RNF144A: variants seen among roughly 807,000 people sequenced by gnomAD.
RNF144A encodes the protein ring finger protein 144A.
A neutral mutation model predicts 38.7 loss-of-function variants in RNF144A; 11 were observed. The observed-to-expected ratio is 0.28, with a 90% CI of 0.18 to 0.47. The LOEUF (loss-of-function observed/expected upper bound fraction) is 0.47, where lower values mean the gene tolerates loss of function less well. Among genes scored for constraint, RNF144A ranks in the 20% least tolerant of loss-of-function variants. The pLI, the probability that RNF144A is intolerant of heterozygous loss-of-function variation, is 0.99. For synonymous variants in RNF144A, 149 were observed against 143.9 expected, an observed-to-expected ratio of 1.04 and a Z score of -0.25; for missense variants, 316 against 377.2, an observed-to-expected ratio of 0.84 and a Z score of 1.34.
chr2:6,918,145 G>A (rs1021838706), intron 1 of RNF144A: 5 of 152,268 alleles, frequency 3.3e-5, no homozygotes, highest in African/African-American at 1.2e-4. Flanking sequence ...GGGGAAGGTC[G>A]GAACTGGCCA....
At chr2:6,929,420 G>GTT (rs1430493920) in intron 1 of RNF144A, among the ~76,000 whole-genome samples, 1 of 152,186 alleles carries the variant, frequency 6.6e-6, no homozygotes, top group East Asian at 1.9e-4. Context: ...AGCCGTGGGT[G>GTT]TTACTCATTT....
chr2:7,052,041 A>G lies in RNF144A; in HGVS notation c.735-16175A>G, dbSNP rs561185189. 3.9e-5 allele frequency among the ~76,000 whole-genome samples: 6 copies of G among 152,308 alleles called. No individual in the cohort carries two copies. In the South Asian group the frequency reaches 1.0e-3, roughly 26 times the overall value. The stretch of plus-strand genomic sequence containing the variant: ...ATCTTAATTAGAATGCCTAATTGGA[A>G]GTAACATAAATACCTCCAAAATGCC... On this transcript the variant is annotated intron_variant, in intron 6 of 6. Transcript: ENST00000432850.
At chr2:6,979,759 T>G (rs1668520845) in intron 2 of RNF144A, among the ~76,000 whole-genome samples, 1 of 152,202 alleles carries the variant, frequency 6.6e-6, no homozygotes, top group African/African-American at 2.4e-5. Context: ...CCAGGGACTT[T>G]GGGCAAATTG....
intron 6 of RNF144A, among the ~76,000 whole-genome samples, chr2:7,059,827 C>T (rs1673883944): frequency 6.6e-6 from 1 of 152,210 alleles, no homozygotes; most frequent in South Asian, 2.1e-4. Flanking sequence ...AATCACTAAA[C>T]CAGCTGAAAA....
chr2:7,058,055 A>C (rs1324687697), intron 6 of RNF144A, among the ~76,000 whole-genome samples: 1 of 152,190 alleles, frequency 6.6e-6, no homozygotes, highest in African/African-American at 2.4e-5. Flanking sequence ...ACAACATGAA[A>C]GAGGCAAAGA....
chr2:6,937,962 A>G (rs1665699885), intron 1 of RNF144A, among the ~76,000 whole-genome samples: 1 of 152,262 alleles, frequency 6.6e-6, no homozygotes, highest in African/African-American at 2.4e-5. Flanking sequence ...CTGTCTGGTC[A>G]GATGGAAACA....
chr2:6,939,469 A>G (rs1665825618), intron 1 of RNF144A, among the ~76,000 whole-genome samples: 1 of 152,182 alleles, frequency 6.6e-6, no homozygotes, highest in Non-Finnish European at 1.5e-5. Context: ...TATATTCTGA[A>G]TCCGAGGCCT....
intron 6 of RNF144A, among the ~76,000 whole-genome samples, chr2:7,060,158 C>A (rs1249681196): frequency 6.6e-6 from 1 of 152,146 alleles, no homozygotes; most frequent in African/African-American, 2.4e-5. Flanking sequence ...CTTTCTTCTT[C>A]ATCTCCTCCT....
intron 2 of RNF144A, among the ~76,000 whole-genome samples, chr2:6,951,699 T>A (rs1354772817): frequency 2.0e-5 from 3 of 152,218 alleles, no homozygotes; most frequent in African/African-American, 7.2e-5. Flanking sequence ...CCTAGTACCT[T>A]AGTTTCTTTT....
intron 2 of RNF144A, among the ~76,000 whole-genome samples, chr2:6,979,252 G>A (rs1463127258): frequency 3.3e-5 from 5 of 152,212 alleles, no homozygotes; most frequent in African/African-American, 9.6e-5. Context: ...TAGGGATCAC[G>A]TGGACTTCCT....
chr2:7,006,577 G>T (rs924996768), intron 3 of RNF144A, among the ~76,000 whole-genome samples: 3 of 152,068 alleles, frequency 2.0e-5, no homozygotes, highest in Non-Finnish European at 1.5e-5. Context: ...ACCCTTGCTG[G>T]TCTTCACAGG....
In RNF144A at chr2:7,040,690, T is replaced by C; in HGVS notation, c.*930T>C. The C allele has an allele frequency of 4.1e-6, 4 of 985,486 alleles. No individual in the cohort carries two copies. The highest frequency in any genetic ancestry group is 4.8e-6 in the Non-Finnish European group (4 of 829,942). 61.0% of individuals were successfully genotyped at this position (985,486 alleles called of 1,614,324 possible). A position where few individuals can be genotyped will look rare whatever the true frequency, so the allele number is the denominator to read the frequency against. On this transcript the variant is annotated 3_prime_UTR_variant, in exon 9 of 9. Coordinates refer to ENST00000320892, the MANE Select transcript of RNF144A (RefSeq NM_014746.6). Reference sequence around the variant, plus strand: ...CTGGCCTCTGGCCTCAGTCTTCAGATAGACAGTAAGAAGAAAGCAGCCTCA... The same window carrying C: ...CTGGCCTCTGGCCTCAGTCTTCAGACAGACAGTAAGAAGAAAGCAGCCTCA...
intron 1 of RNF144A, among the ~76,000 whole-genome samples, chr2:6,931,743 A>G (rs748016900): frequency 6.6e-6 from 1 of 152,092 alleles, no homozygotes. Context: ...TTTTCCATCT[A>G]TCTTTCTCTT....
chr2:7,038,502 A>G (rs1041522218), intron 8 of RNF144A, among the ~76,000 whole-genome samples: 1 of 152,188 alleles, frequency 6.6e-6, no homozygotes, highest in Non-Finnish European at 1.5e-5. Flanking sequence ...TGTCAAGTGC[A>G]GTGTCTGGGT....
intron 3 of RNF144A, among the ~76,000 whole-genome samples, chr2:7,005,002 T>C (rs1040389614): frequency 2.6e-5 from 4 of 152,246 alleles, no homozygotes; most frequent in African/African-American, 9.6e-5. Flanking sequence ...TCTAGTCTTA[T>C]TTTTACAATT....
chr2:7,039,181 G>T (rs1212397821), intron 8 of RNF144A, among the ~76,000 whole-genome samples: 1 of 148,678 alleles, frequency 6.7e-6, no homozygotes, highest in Non-Finnish European at 1.5e-5. Context: ...TGGATGAATG[G>T]GTAGATGATG....
Position 7,039,899 on chromosome 2 carries a change from G to T in RNF144A, c.*139G>T, listed in dbSNP as rs558742900. The T allele has an allele frequency of 1.4e-6, 2 of 1,443,428 alleles. No homozygotes were observed. Among genetic ancestry groups the T allele is most frequent in the Non-Finnish European group, 1.8e-6 (2 of 1,098,424 alleles). 89.4% of individuals were successfully genotyped at this position (1,443,428 alleles called of 1,614,324 possible). On this transcript the variant is annotated 3_prime_UTR_variant, in exon 9 of 9. Transcript: ENST00000320892. ...GCTTCACAGTGTCAGGCTGGACGCC[G>T]TGATTTCAGGGACCTATGTCACAAT...
At chr2:7,003,507 C>T (rs1349706264) in intron 3 of RNF144A, among the ~76,000 whole-genome samples, 2 of 152,300 alleles carry the variant, frequency 1.3e-5, no homozygotes, top group South Asian at 4.1e-4. Context: ...TAATTGCCTA[C>T]GGTATTCAGT....
intron 2 of RNF144A, among the ~76,000 whole-genome samples, chr2:6,988,847 C>T (rs1159774496): frequency 2.6e-5 from 4 of 152,116 alleles, no homozygotes; most frequent in Non-Finnish European, 4.4e-5. Flanking sequence ...TGTGTCTTTT[C>T]CCTCATTTAT....
Sources: gnomAD v4.1 joint callset for allele counts (sites outside exome capture counted in the v4.1 genomes callset) on GRCh38, gnomAD v4.1.1 for gene constraint, MANE v1.5 for transcripts, NCBI Gene and HGNC (gene_info 2026-07-23, HGNC 2026-07-21) for gene names.